DPP10: variants seen among roughly 807,000 people sequenced by gnomAD.
DPP10 encodes the protein inactive dipeptidyl peptidase 10.
Under a neutral mutation model 120.9 loss-of-function variants are expected in DPP10, and 33 were observed. The ratio of observed to expected loss-of-function variants is 0.27; its 90% confidence interval spans 0.21 to 0.37. The LOEUF is 0.37. Among genes scored for constraint, DPP10 ranks in the 10% least tolerant of loss-of-function variants. DPP10 has a pLI of 1.00. For synonymous variants in DPP10, 337 were observed against 326.1 expected (o/e 1.03, Z -0.36); for missense variants, 816 against 942.8 (o/e 0.87, Z 1.76).
chr2:114,706,442 T>C (rs1367497258), intron 1 of DPP10, among the ~76,000 whole-genome samples: 1 of 152,218 alleles, frequency 6.6e-6, no homozygotes, highest in Non-Finnish European at 1.5e-5. Flanking sequence ...TAAAGGAGAA[T>C]ATATTCCATG....
At chr2:115,747,890 G>A (rs1008708185) in intron 10 of DPP10, among the ~76,000 whole-genome samples, 4 of 152,250 alleles carry the variant, frequency 2.6e-5, no homozygotes, top group African/African-American at 9.6e-5. Flanking sequence ...ACTGTGGCTG[G>A]CCCCGCTTGT....
chr2:114,941,806 C>T (rs1017047105), intron 1 of DPP10, among the ~76,000 whole-genome samples: 5 of 152,154 alleles, frequency 3.3e-5, no homozygotes, highest in African/African-American at 1.2e-4. Flanking sequence ...GGCTTGTATT[C>T]ATTCTGTCAC....
chr2:115,457,742 A>T (rs2073688646), intron 3 of DPP10, among the ~76,000 whole-genome samples: 1 of 152,134 alleles, frequency 6.6e-6, no homozygotes, highest in African/African-American at 2.4e-5. Context: ...ACTTGGGGAG[A>T]CAACGTGACA....
intron 13 of DPP10, among the ~76,000 whole-genome samples, chr2:115,773,335 G>A (rs374908549): frequency 5.3e-5 from 8 of 151,974 alleles, no homozygotes; most frequent in Non-Finnish European, 8.8e-5. Context: ...TTTGTAAATC[G>A]CATTATAAAA....
Position 115,441,654 on chromosome 2 carries a change from T to C in DPP10, c.272-57856T>C, listed in dbSNP as rs2072056244. ...TATTGAGCACTTGAAATGTAATTAT[T>C]TGGGGCTCTGAGTTTCTCAAATCAC... On this transcript the variant is annotated intron_variant, in intron 3 of 25. Coordinates refer to ENST00000410059, the MANE Select transcript of DPP10 (RefSeq NM_020868.6). Among the ~76,000 whole-genome samples the C allele has an allele frequency of 4.6e-5, 7 of 152,136 alleles. 1 individual carries two copies. Among genetic ancestry groups the C allele is most frequent in the Admixed American group, 4.6e-4 (7 of 15,272 alleles).
chr2:115,321,764 A>G (rs1351307328), intron 2 of DPP10, among the ~76,000 whole-genome samples: 5 of 151,534 alleles, frequency 3.3e-5, no homozygotes, highest in Non-Finnish European at 7.4e-5. Flanking sequence ...TAATTGATCT[A>G]TTATTATTTT....
At chr2:114,805,402 A>G (rs1684641039) in intron 1 of DPP10, among the ~76,000 whole-genome samples, 1 of 152,166 alleles carries the variant, frequency 6.6e-6, no homozygotes, top group Non-Finnish European at 1.5e-5. Flanking sequence ...AAGGTCCCAG[A>G]GCAGTACTGT....
chr2:115,629,777 C>G (rs1176326007), intron 5 of DPP10, among the ~76,000 whole-genome samples: 1 of 152,120 alleles, frequency 6.6e-6, no homozygotes, highest in Non-Finnish European at 1.5e-5. Flanking sequence ...CGTTTTGGTA[C>G]CAGTACCATG....
At chr2:115,020,747 C>T (rs1290611288) in intron 1 of DPP10, among the ~76,000 whole-genome samples, 2 of 151,950 alleles carry the variant, frequency 1.3e-5, no homozygotes, top group East Asian at 3.9e-4. Flanking sequence ...CTACATTCTC[C>T]AAGATAAACC....
At chr2:115,605,898 C>G (rs2083676207) in intron 5 of DPP10, among the ~76,000 whole-genome samples, 1 of 152,038 alleles carries the variant, frequency 6.6e-6, no homozygotes, top group Non-Finnish European at 1.5e-5. Flanking sequence ...TGTATCTGAT[C>G]CAGATTCACA....
intron 3 of DPP10, among the ~76,000 whole-genome samples, chr2:115,354,819 TGTTA>T (rs1222867775): frequency 1.3e-5 from 2 of 152,072 alleles, no homozygotes; most frequent in African/African-American, 2.4e-5. Flanking sequence ...TCTGTTCCTG[TGTTA>T]GTTTGCTGAG....
intron 1 of DPP10, among the ~76,000 whole-genome samples, chr2:114,538,992 C>T (rs1426185921): frequency 3.3e-5 from 5 of 152,114 alleles, no homozygotes; most frequent in Non-Finnish European, 7.3e-5. Flanking sequence ...GTCTTCCTGT[C>T]CTTCAAAGGA....
At chr2:114,748,485 G>T (rs1678857669) in intron 1 of DPP10, among the ~76,000 whole-genome samples, 1 of 139,130 alleles carries the variant, frequency 7.2e-6, no homozygotes, top group Non-Finnish European at 1.5e-5. Context: ...CATGTGCCAT[G>T]CTGGTGCACT....
chr2:115,307,082 T>C (rs1364651048), intron 1 of DPP10, among the ~76,000 whole-genome samples: 1 of 152,132 alleles, frequency 6.6e-6, no homozygotes, highest in South Asian at 2.1e-4. Context: ...AAAGGATATG[T>C]TACTAATCTC....
intron 1 of DPP10, among the ~76,000 whole-genome samples, chr2:114,675,726 A>G (rs1698628399): frequency 6.6e-6 from 1 of 152,108 alleles, no homozygotes; most frequent in African/African-American, 2.4e-5. Context: ...AGAGTCCCAG[A>G]TACCAGTATT....
intron 1 of DPP10, among the ~76,000 whole-genome samples, chr2:114,633,427 AT>A (rs1480614362): frequency 6.7e-6 from 1 of 149,740 alleles, no homozygotes; most frequent in African/African-American, 2.5e-5. Context: ...AATTTTTTGT[AT>A]TTTTTTAGTA....
At chr2:115,256,198 T>A (rs576477980) in intron 1 of DPP10, among the ~76,000 whole-genome samples, 15 of 152,282 alleles carry the variant, frequency 9.9e-5, no homozygotes, top group African/African-American at 3.4e-4. Context: ...TTTCTTCATA[T>A]AGCGGCAGCA....
chr2:115,092,916 C>T (rs891910238), intron 1 of DPP10, among the ~76,000 whole-genome samples: 1 of 152,054 alleles, frequency 6.6e-6, no homozygotes, highest in Non-Finnish European at 1.5e-5. Flanking sequence ...CTAGAGTGAG[C>T]AGTAAAAGAA....
chr2:114,985,692 C>T (rs2104888364), intron 1 of DPP10, among the ~76,000 whole-genome samples: 1 of 152,314 alleles, frequency 6.6e-6, no homozygotes, highest in Admixed American at 6.5e-5. Context: ...GACGCAGTCA[C>T]ATTGGGGTTG....
Sources: gnomAD v4.1 joint callset for allele counts (sites outside exome capture counted in the v4.1 genomes callset) on GRCh38, gnomAD v4.1.1 for gene constraint, MANE v1.5 for transcripts, NCBI Gene and HGNC (gene_info 2026-07-23, HGNC 2026-07-21) for gene names.